The following MGAM variants were observed in gnomAD, a reference collection of about 807,000 sequenced individuals.
MGAM encodes the protein alpha-1,4-glucosidase.
In MGAM, 253 loss-of-function variants were observed where a neutral mutation model predicts 358.8. The observed-to-expected ratio is 0.71, with a 90% CI of 0.64 to 0.78. The LOEUF (loss-of-function observed/expected upper bound fraction) is 0.78. Among genes scored for constraint, MGAM ranks in the 30% least tolerant of loss-of-function variants. The pLI, the probability that MGAM is intolerant of heterozygous loss-of-function variation, is 0.00. For missense variants in MGAM, 3,080 were observed against 3,432.6 expected (o/e 0.90, Z 2.57); for synonymous variants, 1,105 against 1,227.1 (o/e 0.90, Z 2.08).
At chr7:142,029,689 T>G (rs1807286183) in intron 10 of MGAM, among the ~76,000 whole-genome samples, 1 of 152,208 alleles carries the variant, frequency 6.6e-6, no homozygotes, top group African/African-American at 2.4e-5. Flanking sequence ...AAAACATTTT[T>G]GTACTTTGAA....
chr7:142,044,253 C>G (rs1462666787), intron 21 of MGAM, among the ~76,000 whole-genome samples: 1 of 126,026 alleles, frequency 7.9e-6, no homozygotes, highest in Admixed American at 9.8e-5. Flanking sequence ...TATACACATA[C>G]GACATATAAT....
At position 142,080,285 on chromosome 7, in the gene MGAM, C is replaced by G. The variant is rs1456174620; in HGVS notation, c.5848-506C>G. On this transcript the variant is annotated intron_variant, in intron 49 of 70. Coordinates refer to ENST00000475668, the MANE Select transcript of MGAM (RefSeq NM_001365693.1). ...TCATTTGCTTGTGAATTTCATAAAA[C>G]CATAACACTGCCTTATTGAGCTCAC... Among the ~76,000 whole-genome samples, 3 of 146,184 alleles carry G rather than the reference C, an allele frequency of 2.1e-5. 1 individual carries two copies. The Admixed American group carries it at 2.1e-4, about 10-fold the overall frequency.
At chr7:142,058,642 TTTCA>T (rs1811796646) in intron 31 of MGAM, among the ~76,000 whole-genome samples, 1 of 152,176 alleles carries the variant, frequency 6.6e-6, no homozygotes, top group African/African-American at 2.4e-5. Context: ...AAGTCCTTGG[TTTCA>T]TAAGAATAAA....
At chr7:142,088,996 G>GTATGTATGTATC (rs771119657) in intron 57 of MGAM, among the ~76,000 whole-genome samples, 1,828 of 117,968 alleles carry the variant, frequency 0.015, 73 homozygotes, top group East Asian at 0.039. Flanking sequence ...ATGTATGTAT[G>GTATGTATGTATC]TATCTATCTA....
rs781829209 is a variant in MGAM, at chr7:142,019,248, G to GT, written c.378dup (p.Val127CysfsTer11). The GT allele has an allele frequency of 1.6e-5, 26 of 1,613,472 alleles. No individual in the cohort carries two copies. The highest frequency in any genetic ancestry group is 2.2e-5 in the Non-Finnish European group (26 of 1,179,598). ...TGCTGGAATCCCCAGGGAGCTGTAA[G>GT]TGTTCCCTGGTGCTACTATTCCAAG... On this transcript the variant is annotated frameshift_variant, in exon 4 of 71. Transcript: ENST00000475668. LOFTEE classifies it high-confidence loss of function.
At chr7:142,047,673 A>T in intron 21 of MGAM, 112 bp from the exon 22 acceptor site, 2 of 958,726 alleles carry the variant, frequency 2.1e-6, no homozygotes, top group Non-Finnish European at 3.2e-6. Context: ...GAAAAGCAGA[A>T]CCATCTGCTG....
In MGAM at chr7:142,030,744, C is replaced by G; in HGVS notation, c.1457C>G (p.Pro486Arg). The change falls in exon 12 of 71, where the codon CCA becomes CGA. Residue 486 changes from proline to arginine, a missense_variant. By Grantham distance (103) the Pro-to-Arg change is moderately radical (BLOSUM62 -2). Coordinates refer to ENST00000475668, the MANE Select transcript of MGAM (RefSeq NM_001365693.1). ...IWVNSSDGVT[P>R]LIGEVWPGQT... is the part of the protein sequence containing the mutation. ...GTGAATAGTTCAGATGGAGTGACTC[C>G]ACTCATTGGGGAGGTAACTTAATGG... The G allele has an allele frequency of 6.2e-7, 1 of 1,605,648 alleles. No individual in the cohort carries two copies. The highest frequency in any genetic ancestry group is 8.5e-7 in the Non-Finnish European group (1 of 1,172,530).
chr7:142,040,904 T>G lies in MGAM; in HGVS notation c.2498+58T>G, dbSNP rs771202066. 28 of 1,534,316 alleles carry G rather than the reference T, an allele frequency of 1.8e-5. 1 individual carries two copies. The Middle Eastern group carries it at 6.9e-4, about 38-fold the overall frequency. On this transcript the variant is annotated intron_variant, in intron 21 of 70. Coordinates refer to ENST00000475668, the MANE Select transcript of MGAM (RefSeq NM_001365693.1). ...CATGTCCTTGCTTAAACCCTTTGAA[T>G]TTCTTTTCGAAACACACTAACAGCC...
chr7:142,070,266 A>G lies in MGAM; in HGVS notation c.5062-728A>G, dbSNP rs1813232248. On this transcript the variant is annotated intron_variant, in intron 43 of 70. Transcript: ENST00000475668. ...AATGAAGATGAATCTCATAATTAGG[A>G]TTAATGAAGAAGTGTCACCTTAATT... is the stretch of plus-strand genomic sequence containing the variant. 4.1e-5 allele frequency among the ~76,000 whole-genome samples: 6 copies of G among 145,714 alleles called. 1 individual carries two copies. In the South Asian group the frequency reaches 1.3e-3, roughly 32 times the overall value.
rs530864255 is a variant in MGAM at position 142,017,699 on chromosome 7, C to T, written c.328-1500C>T. Among the ~76,000 whole-genome samples, 12 of 152,272 alleles carry T rather than the reference C, an allele frequency of 7.9e-5. No individual in the cohort carries two copies. In the South Asian group the frequency reaches 2.5e-3, roughly 32 times the overall value. Reference sequence around the variant, plus strand: ...TGGATTGAGGTTGAGTTCACAGTGACACCTGATCTTACGGCAGTATAAACC... The same window carrying T: ...TGGATTGAGGTTGAGTTCACAGTGATACCTGATCTTACGGCAGTATAAACC... On this transcript the variant is annotated intron_variant, in intron 3 of 70. Transcript: ENST00000475668.
rs775128377 is a variant in MGAM, at chr7:142,097,579, A to G, written c.7693-14A>G. 5.0e-6 allele frequency: 8 copies of G among 1,610,756 alleles called. No individual in the cohort carries two copies. The South Asian group carries it at 8.8e-5, about 18-fold the overall frequency. On this transcript the variant is annotated splice_polypyrimidine_tract_variant and intron_variant, in intron 65 of 70. Transcript: ENST00000475668. ...ATGGTGCCACTGCCACACCTTGTTT[A>G]TGTTTCATTTTAGAATGCCAGAAAT... is the stretch of plus-strand genomic sequence containing the variant.
chr7:142,059,375 C>T (rs1157190955), intron 31 of MGAM, 97 bp from the exon 32 acceptor site: 1 of 1,516,040 alleles, frequency 6.6e-7, no homozygotes, highest in Middle Eastern at 1.9e-4. Context: ...CAACAAGAAG[C>T]TGTCTGGAAT....
intron 31 of MGAM, among the ~76,000 whole-genome samples, chr7:142,058,650 G>T (rs561289271): frequency 6.6e-6 from 1 of 152,276 alleles, no homozygotes; most frequent in African/African-American, 2.4e-5. Flanking sequence ...GGTTTCATAA[G>T]AATAAAGTAT....
intron 1 of MGAM, among the ~76,000 whole-genome samples, chr7:142,001,533 C>A (rs1804733296): frequency 6.6e-6 from 1 of 152,160 alleles, no homozygotes; most frequent in Non-Finnish European, 1.5e-5. Flanking sequence ...GTATGATTTA[C>A]AAGGCAGCCT....
intron 1 of MGAM, among the ~76,000 whole-genome samples, chr7:141,997,446 T>G (rs1227231464): frequency 1.3e-5 from 2 of 152,204 alleles, no homozygotes; most frequent in Non-Finnish European, 2.9e-5. Flanking sequence ...AATGATTATT[T>G]TTTATTATCA....
rs73524546 is a variant in MGAM, at chr7:142,087,726, C to T, written c.6810+1009C>T. On this transcript the variant is annotated intron_variant, in intron 57 of 70. Transcript: ENST00000475668. ...GAAGGGACAAAGAAGCTGACTTGTG[C>T]AGTCAGCAATGCGGTATATGTTGTA... Among the ~76,000 whole-genome samples, 747 of 146,584 alleles carry T rather than the reference C, an allele frequency of 5.1e-3. 27 individuals carry two copies. Among genetic ancestry groups the T allele is most frequent in the African/African-American group, 0.017 (693 of 41,242 alleles).
At chr7:142,013,697 A>G (rs1554455125) in intron 3 of MGAM, among the ~76,000 whole-genome samples, 1 of 152,206 alleles carries the variant, frequency 6.6e-6, no homozygotes, top group Non-Finnish European at 1.5e-5. Context: ...TTTTAAAACT[A>G]AAAGGCCCAC....
At chr7:142,011,334 A>G (rs1452501147) in intron 3 of MGAM, among the ~76,000 whole-genome samples, 1 of 152,212 alleles carries the variant, frequency 6.6e-6, no homozygotes, top group Non-Finnish European at 1.5e-5. Flanking sequence ...GTTTTATGAT[A>G]TAGCAGCAAG....
intron 31 of MGAM, among the ~76,000 whole-genome samples, chr7:142,059,013 A>G (rs1320845823): frequency 2.0e-5 from 3 of 152,310 alleles, no homozygotes; most frequent in Middle Eastern, 3.4e-3. Context: ...GTGTATGATT[A>G]CCCTCAAGAT....
Sources: allele counts gnomAD v4.1 joint callset (sites outside exome capture counted in the v4.1 genomes callset), GRCh38; gene constraint gnomAD v4.1.1; transcripts MANE v1.5; gene names NCBI Gene and HGNC (gene_info 2026-07-23, HGNC 2026-07-21).